Variants in RAB3GAP1 observed in about 807,000 individuals in gnomAD.
RAB3GAP1 encodes RAB3 GTPase activating protein catalytic subunit 1.
RAB3GAP1 carries 86 observed loss-of-function variants against 130.7 expected under a neutral mutation model. That is an observed-to-expected ratio of 0.66 (90% CI 0.55 to 0.79). The LOEUF (loss-of-function observed/expected upper bound fraction) is 0.79. RAB3GAP1 is among the 30% of genes least tolerant of loss of function. RAB3GAP1 has a pLI of 0.00. For synonymous variants in RAB3GAP1, 367 were observed against 401.7 expected, an observed-to-expected ratio of 0.91 and a Z score of 1.03; for missense variants, 1,029 against 1,169.4, an observed-to-expected ratio of 0.88 and a Z score of 1.75.
At chr2:135,117,513 GCTTCTTCTGCTT>G (rs1691023808) in intron 7 of RAB3GAP1, among the ~76,000 whole-genome samples, 1 of 26,860 alleles carries the variant, frequency 3.7e-5, no homozygotes, top group Admixed American at 4.0e-4. Flanking sequence ...TTCTTCTTCT[GCTTCTTCTGCTT>G]CTTCTGCTTC....
intron 5 of RAB3GAP1, among the ~76,000 whole-genome samples, chr2:135,102,939 C>T (rs544172398): frequency 2.7e-4 from 37 of 138,882 alleles, no homozygotes; most frequent in Non-Finnish European, 3.8e-4. Context: ...TGCCTGAACC[C>T]GGTAGGCAGA....
intron 3 of RAB3GAP1, among the ~76,000 whole-genome samples, chr2:135,075,490 A>G (rs1558763609): frequency 6.6e-6 from 1 of 152,040 alleles, no homozygotes; most frequent in Admixed American, 6.5e-5. Context: ...ATAAACATCT[A>G]TTGTTACTTT....
chr2:135,106,530 T>G (rs1294986076), intron 5 of RAB3GAP1, among the ~76,000 whole-genome samples: 1 of 152,136 alleles, frequency 6.6e-6, no homozygotes, highest in Admixed American at 6.5e-5. Flanking sequence ...AAGATGTGCT[T>G]TGTTTAACAG....
intron 4 of RAB3GAP1, among the ~76,000 whole-genome samples, chr2:135,093,219 G>T (rs979727402): frequency 6.6e-6 from 1 of 152,136 alleles, no homozygotes; most frequent in African/African-American, 2.4e-5. Flanking sequence ...ATTTAAGATG[G>T]ACAGGGGGCC....
chr2:135,073,323 C>G (rs776992848), intron 3 of RAB3GAP1, among the ~76,000 whole-genome samples: 4 of 152,160 alleles, frequency 2.6e-5, no homozygotes, highest in Non-Finnish European at 5.9e-5. Context: ...CTCTTGAACC[C>G]AAAAGGGAAA....
intron 17 of RAB3GAP1, among the ~76,000 whole-genome samples, chr2:135,142,611 T>TA (rs1691874334): frequency 6.6e-6 from 1 of 152,172 alleles, no homozygotes; most frequent in South Asian, 2.1e-4. Context: ...AAGCATATGA[T>TA]AGTCATTGAA....
At chr2:135,109,605 C>T (rs1205826364) in intron 5 of RAB3GAP1, among the ~76,000 whole-genome samples, 1 of 151,082 alleles carries the variant, frequency 6.6e-6, no homozygotes, top group Non-Finnish European at 1.5e-5. Context: ...TATTAAGAGA[C>T]AGGGCCTTGC....
chr2:135,130,835 T>C (rs1327802659), intron 13 of RAB3GAP1, 114 bp downstream of exon 13: 2 of 947,632 alleles, frequency 2.1e-6, no homozygotes, highest in Admixed American at 4.7e-5. Context: ...AGTAAAACAG[T>C]TACCACATTT....
intron 17 of RAB3GAP1, among the ~76,000 whole-genome samples, chr2:135,150,032 A>T (rs1211054265): frequency 6.6e-6 from 1 of 152,166 alleles, no homozygotes; most frequent in Non-Finnish European, 1.5e-5. Context: ...TAGTGATGAC[A>T]TATATAATAA....
intron 4 of RAB3GAP1, among the ~76,000 whole-genome samples, chr2:135,091,376 A>G (rs952716864): frequency 6.6e-6 from 1 of 152,174 alleles, no homozygotes; most frequent in Non-Finnish European, 1.5e-5. Flanking sequence ...CCTACATTCC[A>G]GTAGGGAAGA....
rs1198910211 is a variant in RAB3GAP1, at chr2:135,153,762, G to A, written c.2175G>A (p.Leu725=). The change falls in exon 19 of 24, where the codon CTG becomes CTA. Residue 725 remains leucine (L), a synonymous_variant. Transcript: ENST00000264158. The part of the protein sequence containing the change: ...EKGNVVLKGE[L]SARMKIPSNM... ...GCAATGTGGTGCTGAAAGGAGAACT[G>A]AGTGCCCGGATGAAGATTCCAAGCA... The A allele has an allele frequency of 6.2e-7, 1 of 1,614,072 alleles. No homozygotes were observed. Among genetic ancestry groups the A allele is most frequent in the Non-Finnish European group, 8.5e-7 (1 of 1,179,938 alleles).
intron 12 of RAB3GAP1, 75 bp from the exon 13 acceptor site, chr2:135,130,477 A>G (rs1691500615): frequency 1.6e-6 from 2 of 1,219,778 alleles, no homozygotes; most frequent in African/African-American, 1.5e-5. Flanking sequence ...ATTCTATATA[A>G]TCATCAATTT....
intron 3 of RAB3GAP1, among the ~76,000 whole-genome samples, chr2:135,090,329 A>G (rs563437508): frequency 5.9e-5 from 9 of 152,308 alleles, no homozygotes; most frequent in African/African-American, 1.4e-4. Flanking sequence ...TATATTTTCA[A>G]TCTAGTTTGG....
At chr2:135,127,916 A>G (rs574625199) in intron 11 of RAB3GAP1, among the ~76,000 whole-genome samples, 1 of 152,036 alleles carries the variant, frequency 6.6e-6, no homozygotes, top group Non-Finnish European at 1.5e-5. Context: ...CCATCTCCTC[A>G]GTGTGCCTTG....
chr2:135,092,530 G>A (rs1690173706), intron 4 of RAB3GAP1, among the ~76,000 whole-genome samples: 1 of 152,078 alleles, frequency 6.6e-6, no homozygotes, highest in South Asian at 2.1e-4. Context: ...TCCGCCTCCC[G>A]GGTTCAAGCA....
intron 3 of RAB3GAP1, among the ~76,000 whole-genome samples, chr2:135,077,969 AC>A (rs1293203492): frequency 1.3e-5 from 2 of 152,214 alleles, no homozygotes; most frequent in African/African-American, 4.8e-5. Flanking sequence ...TATATGACTT[AC>A]AAATATTTTC....
intron 22 of RAB3GAP1, 46 bp downstream of exon 22, chr2:135,163,147 C>T (rs1174982516): frequency 7.6e-7 from 1 of 1,311,306 alleles, no homozygotes; most frequent in Non-Finnish European, 1.1e-6. Flanking sequence ...GTAGGAAAAG[C>T]CACCACTCTC....
chr2:135,052,414 C>T lies in RAB3GAP1; in HGVS notation c.19-16C>T, dbSNP rs772585494. On this transcript the variant is annotated splice_polypyrimidine_tract_variant and intron_variant, in intron 1 of 23. Transcript: ENST00000264158. ...TTGGGGCTTAATTTCTTTTTCTCTC[C>T]TTCCCCTTCCCGCAGCCCGAATCCG... 2.5e-6 allele frequency: 4 copies of T among 1,614,026 alleles called. No individual in the cohort carries two copies. Among genetic ancestry groups the T allele is most frequent in the Non-Finnish European group, 2.5e-6 (3 of 1,180,048 alleles).
intron 17 of RAB3GAP1, chr2:135,136,880 T>A: frequency 3.4e-6 from 1 of 289,884 alleles, no homozygotes; most frequent in Non-Finnish European, 6.4e-6. Flanking sequence ...AAGCCAGGAG[T>A]TCAAGACCAG....
Sources: allele counts gnomAD v4.1 joint callset (sites outside exome capture counted in the v4.1 genomes callset), GRCh38; gene constraint gnomAD v4.1.1; transcripts MANE v1.5; gene names NCBI Gene and HGNC (gene_info 2026-07-23, HGNC 2026-07-21).